Variants in SEMA6D observed in about 807,000 individuals in gnomAD.
SEMA6D encodes semaphorin-6D.
SEMA6D carries 35 observed loss-of-function variants against 106.6 expected under a neutral mutation model. The ratio of observed to expected loss-of-function variants is 0.33; its 90% confidence interval spans 0.25 to 0.44. The LOEUF (loss-of-function observed/expected upper bound fraction) is 0.44, where lower values mean the gene tolerates loss of function less well. SEMA6D is among the 20% of genes least tolerant of loss of function. The probability of loss-of-function intolerance (pLI) is 1.00; values close to 1 mark genes in which losing one functional copy is unlikely to be tolerated. For synonymous variants in SEMA6D, 499 were observed against 487.7 expected (o/e 1.02, Z -0.31); for missense variants, 1,185 against 1,345.9 (o/e 0.88, Z 1.87).
intron 1 of SEMA6D, among the ~76,000 whole-genome samples, chr15:47,409,362 CAG>C (rs1315430599): frequency 1.3e-5 from 2 of 152,176 alleles, no homozygotes; most frequent in Non-Finnish European, 2.9e-5. Flanking sequence ...GAGCTGGAAA[CAG>C]AGCTTTAGAA....
chr15:47,334,809 G>T (rs980603880), intron 1 of SEMA6D, among the ~76,000 whole-genome samples: 8 of 152,220 alleles, frequency 5.3e-5, no homozygotes, highest in Non-Finnish European at 7.3e-5. Flanking sequence ...AAAGGTAAAA[G>T]TTACCAGTGG....
intron 3 of SEMA6D, among the ~76,000 whole-genome samples, chr15:47,521,890 C>G (rs1474012258): frequency 2.0e-5 from 3 of 151,112 alleles, no homozygotes; most frequent in Non-Finnish European, 4.4e-5. Context: ...GAGGCTGAGG[C>G]AGGAGAATGG....
intron 1 of SEMA6D, among the ~76,000 whole-genome samples, chr15:47,335,361 AAG>A (rs1361115352): frequency 6.6e-6 from 1 of 152,066 alleles, no homozygotes; most frequent in East Asian, 1.9e-4. Context: ...CCAGATACAA[AAG>A]AGTTTGTTCC....
At chr15:47,301,385 C>CAGA (rs984248990) in intron 1 of SEMA6D, among the ~76,000 whole-genome samples, 46 of 103,658 alleles carry the variant, frequency 4.4e-4, no homozygotes, top group African/African-American at 1.3e-3. Flanking sequence ...ACTAGACATA[C>CAGA]AGAATCTCTA....
At chr15:47,354,303 T>TTATATA (rs3985870) in intron 1 of SEMA6D, among the ~76,000 whole-genome samples, 23 of 141,068 alleles carry the variant, frequency 1.6e-4, no homozygotes, top group African/African-American at 4.0e-4. Flanking sequence ...GAGAGAGAGC[T>TTATATA]TATATATATA....
At chr15:47,588,692 A>G (rs1371815271) in intron 3 of SEMA6D, among the ~76,000 whole-genome samples, 2 of 152,196 alleles carry the variant, frequency 1.3e-5, no homozygotes, top group African/African-American at 2.4e-5. Context: ...AGGAAAAAGT[A>G]AAGTCCCTGG....
At chr15:47,384,822 T>TTTTG (rs2039766634) in intron 1 of SEMA6D, among the ~76,000 whole-genome samples, 1 of 59,108 alleles carries the variant, frequency 1.7e-5, no homozygotes, top group Admixed American at 1.7e-4. Context: ...AAGTTTTTTT[T>TTTTG]TTTTTTTTTT....
intron 1 of SEMA6D, among the ~76,000 whole-genome samples, chr15:47,268,267 A>G (rs1466035658): frequency 6.6e-6 from 1 of 152,202 alleles, no homozygotes; most frequent in South Asian, 2.1e-4. Flanking sequence ...AAATGCAGCA[A>G]AGTGTGAGAA....
At chr15:47,416,142 T>C (rs907582112) in intron 2 of SEMA6D, among the ~76,000 whole-genome samples, 7 of 152,134 alleles carry the variant, frequency 4.6e-5, no homozygotes, top group African/African-American at 1.7e-4. Flanking sequence ...ATTGTGGAGA[T>C]ACTTACTTGT....
At chr15:47,529,612 A>AAAC (rs2044882547) in intron 3 of SEMA6D, among the ~76,000 whole-genome samples, 1 of 151,320 alleles carries the variant, frequency 6.6e-6, no homozygotes, top group African/African-American at 2.4e-5. Context: ...CTAAAAAAAA[A>AAAC]AAAAAAAACA....
At chr15:47,593,566 A>T (rs2076481313) in intron 3 of SEMA6D, among the ~76,000 whole-genome samples, 1 of 152,072 alleles carries the variant, frequency 6.6e-6, no homozygotes, top group Admixed American at 6.5e-5. Context: ...AAACACCAAG[A>T]CATTCTCCCT....
chr15:47,421,423 T>C (rs1007448795), intron 2 of SEMA6D, among the ~76,000 whole-genome samples: 1 of 152,260 alleles, frequency 6.6e-6, no homozygotes, highest in African/African-American at 2.4e-5. Context: ...CTCATGTATT[T>C]GAAAGTGCTC....
At chr15:47,628,129 C>G (rs1457167028) in intron 4 of SEMA6D, among the ~76,000 whole-genome samples, 1 of 151,822 alleles carries the variant, frequency 6.6e-6, no homozygotes, top group Non-Finnish European at 1.5e-5. Context: ...ATTGTTTAAC[C>G]ATTCACCCAC....
chr15:47,722,873 C>T (rs1048796502), intron 1 of SEMA6D, among the ~76,000 whole-genome samples: 4 of 152,178 alleles, frequency 2.6e-5, no homozygotes, highest in Admixed American at 1.3e-4. Context: ...ATATAACCCT[C>T]AGACAGCTCT....
At chr15:47,228,508 A>G (rs986553766) in intron 1 of SEMA6D, among the ~76,000 whole-genome samples, 4 of 152,112 alleles carry the variant, frequency 2.6e-5, no homozygotes, top group Admixed American at 6.6e-5. Context: ...AATCTCAGTC[A>G]GTTCCTAGTT....
chr15:47,759,326 G>A (rs1026672138), intron 1 of SEMA6D, among the ~76,000 whole-genome samples: 1 of 152,114 alleles, frequency 6.6e-6, no homozygotes, highest in Non-Finnish European at 1.5e-5. Flanking sequence ...GAGGCAGCTT[G>A]AGCGTTTTAT....
intron 3 of SEMA6D, among the ~76,000 whole-genome samples, chr15:47,550,908 A>C (rs1041405437): frequency 6.6e-6 from 1 of 152,202 alleles, no homozygotes; most frequent in African/African-American, 2.4e-5. Flanking sequence ...GAAAATGTAA[A>C]AGTAAATATG....
intron 4 of SEMA6D, among the ~76,000 whole-genome samples, chr15:47,626,194 G>A (rs1430305803): frequency 6.6e-6 from 1 of 152,192 alleles, no homozygotes; most frequent in Non-Finnish European, 1.5e-5. Flanking sequence ...TGTGAGATGT[G>A]CATCACAACC....
chr15:47,207,993 G>GCGCACACACACACACACA (rs1424944556), intron 1 of SEMA6D, among the ~76,000 whole-genome samples: 145 of 89,414 alleles, frequency 1.6e-3, no homozygotes, highest in African/African-American at 2.2e-3. Context: ...TGGCGCGCGC[G>GCGCACACACACACACACA]CACACACACA....
Sources: gnomAD v4.1 joint callset for allele counts (sites outside exome capture counted in the v4.1 genomes callset) on GRCh38, gnomAD v4.1.1 for gene constraint, MANE v1.5 for transcripts, NCBI Gene and HGNC (gene_info 2026-07-23, HGNC 2026-07-21) for gene names.